The following PIP5K1B variants were observed in gnomAD, a reference collection of about 807,000 sequenced individuals.
The protein encoded by PIP5K1B is phosphatidylinositol-4-phosphate 5-kinase type 1 beta, also known as phosphatidylinositol 4-phosphate 5-kinase type-1 beta.
In PIP5K1B, 42 loss-of-function variants were observed where a neutral mutation model predicts 67.0. That is an observed-to-expected ratio of 0.63 (90% CI 0.49 to 0.81). PIP5K1B has a LOEUF of 0.81. Ranked by LOEUF, PIP5K1B falls within the 30% of genes least tolerant of loss-of-function variation. The pLI is 0.00. For synonymous variants in PIP5K1B, 214 were observed against 231.4 expected (o/e 0.92, Z 0.68); for missense variants, 459 against 646.3 (o/e 0.71, Z 3.14).
chr9:68,723,233 C>T (rs1442934431), intron 1 of PIP5K1B, among the ~76,000 whole-genome samples: 3 of 151,910 alleles, frequency 2.0e-5, no homozygotes, highest in Non-Finnish European at 4.4e-5. Context: ...TTTGTGCATT[C>T]ATCCACTGAT....
At position 68,797,920 on chromosome 9, in the gene PIP5K1B, A is replaced by T. The variant is rs574801335; in HGVS notation, c.-85-20541A>T. Reference sequence around the variant, plus strand: ...TAGATTTATAGTGGAAAGGAACCAGAGGTTTAGACTAAATAGATACGCTGT... The same window carrying T: ...TAGATTTATAGTGGAAAGGAACCAGTGGTTTAGACTAAATAGATACGCTGT... On this transcript the variant is annotated intron_variant, in intron 2 of 15. Coordinates refer to ENST00000265382, the MANE Select transcript of PIP5K1B (RefSeq NM_003558.4). Among the ~76,000 whole-genome samples, 64 of 152,324 alleles carry T rather than the reference A, an allele frequency of 4.2e-4. 1 individual carries two copies. The South Asian group carries it at 0.013, about 31-fold the overall frequency.
At chr9:68,893,595 G>T (rs1052848564) in intron 7 of PIP5K1B, among the ~76,000 whole-genome samples, 2 of 152,034 alleles carry the variant, frequency 1.3e-5, no homozygotes, top group Non-Finnish European at 2.9e-5. Flanking sequence ...GCCTCCCAAA[G>T]TGCTGGGATT....
intron 2 of PIP5K1B, among the ~76,000 whole-genome samples, chr9:68,808,650 T>C (rs964748245): frequency 2.6e-5 from 4 of 152,358 alleles, no homozygotes; most frequent in Admixed American, 1.3e-4. Context: ...ACAACCTTTG[T>C]TGGGAAAATG....
chr9:68,799,811 T>A (rs183038942), intron 2 of PIP5K1B, among the ~76,000 whole-genome samples: 7 of 152,296 alleles, frequency 4.6e-5, no homozygotes, highest in Admixed American at 4.6e-4. Flanking sequence ...AAAGGCTTCA[T>A]GACATTGGTT....
intron 14 of PIP5K1B, chr9:68,963,907 A>G (rs966046579): frequency 6.6e-6 from 1 of 152,202 alleles, no homozygotes; most frequent in African/African-American, 2.4e-5. Flanking sequence ...GCCAAATTAA[A>G]TGAAAGCTTG....
chr9:68,792,278 T>C (rs1025303693), intron 2 of PIP5K1B, among the ~76,000 whole-genome samples: 3 of 152,214 alleles, frequency 2.0e-5, no homozygotes, highest in African/African-American at 7.2e-5. Context: ...CAAATTTATG[T>C]TGAGTAGATG....
intron 4 of PIP5K1B, among the ~76,000 whole-genome samples, chr9:68,846,341 C>G (rs1822191509): frequency 6.6e-6 from 1 of 152,144 alleles, no homozygotes; most frequent in South Asian, 2.1e-4. Flanking sequence ...TAAACAATTG[C>G]TATGCCAGTC....
Position 68,863,911 on chromosome 9 carries a change from A to G in PIP5K1B, c.144A>G (p.Pro48=), listed in dbSNP as rs750209738. Residue 48 remains proline (P), a synonymous_variant, in exon 5 of 16, where the codon CCA becomes CCG. Transcript: ENST00000265382. ...GYTVGNLTSK[P]ERDVLMQDFY... ...CAGTGGGTAATCTCACTTCCAAGCC[A>G]GAACGAGATGTTCTTATGCAAGACT... 4 of 1,613,804 alleles carry G rather than the reference A, an allele frequency of 2.5e-6. No homozygotes were observed. The Admixed American group carries it at 6.7e-5, about 27-fold the overall frequency.
At chr9:68,827,779 T>C (rs1036339208) in intron 4 of PIP5K1B, among the ~76,000 whole-genome samples, 1 of 152,168 alleles carries the variant, frequency 6.6e-6, no homozygotes, top group African/African-American at 2.4e-5. Context: ...GGAAAGAGTA[T>C]TGTGTTATTT....
intron 14 of PIP5K1B, among the ~76,000 whole-genome samples, chr9:68,943,611 G>T (rs1827666111): frequency 6.6e-6 from 1 of 151,170 alleles, no homozygotes; most frequent in African/African-American, 2.4e-5. Flanking sequence ...CTGGCCAACT[G>T]AGTTTCAAAA....
At chr9:68,998,735 T>A (rs1830694725) in intron 15 of PIP5K1B, among the ~76,000 whole-genome samples, 1 of 152,168 alleles carries the variant, frequency 6.6e-6, no homozygotes. Context: ...ATCACACCCA[T>A]GGACCTAGTA....
chr9:68,953,312 C>T (rs999395461), intron 14 of PIP5K1B, among the ~76,000 whole-genome samples: 1 of 151,802 alleles, frequency 6.6e-6, no homozygotes, highest in Non-Finnish European at 1.5e-5. Context: ...TTCCTTTTTT[C>T]ATGATTGTAA....
In PIP5K1B at chr9:68,883,825, A is replaced by AAC. The variant is rs59872442; in HGVS notation, c.319-5131_319-5130dup. Among the ~76,000 whole-genome samples the AAC allele has an allele frequency of 1.5e-3, 225 of 149,430 alleles. 2 individuals carry two copies. The highest frequency in any genetic ancestry group is 7.9e-3 in the East Asian group (40 of 5,090). On this transcript the variant is annotated intron_variant, in intron 6 of 15. Coordinates refer to ENST00000265382, the MANE Select transcript of PIP5K1B (RefSeq NM_003558.4). ...AAATAGGATAGAGAGCCCAGAAATA[A>AAC]ACACACACACACACACACACACACA...
At chr9:68,880,668 A>G (rs1824157257) in intron 6 of PIP5K1B, among the ~76,000 whole-genome samples, 1 of 151,860 alleles carries the variant, frequency 6.6e-6, no homozygotes, top group African/African-American at 2.4e-5. Context: ...CCAGGTATGT[A>G]AGTGTGCTTT....
chr9:68,828,735 A>G (rs1834121927), intron 4 of PIP5K1B, among the ~76,000 whole-genome samples: 1 of 152,190 alleles, frequency 6.6e-6, no homozygotes. Context: ...CTCCAGGGAG[A>G]ACCGGGTAGT....
intron 1 of PIP5K1B, among the ~76,000 whole-genome samples, chr9:68,733,731 C>T: frequency 6.8e-6 from 1 of 147,886 alleles, no homozygotes; most frequent in Admixed American, 6.9e-5. Flanking sequence ...CCTCCGCCTC[C>T]CGGGTTCAGG....
chr9:69,002,147 A>G (rs1399255644), intron 15 of PIP5K1B, among the ~76,000 whole-genome samples: 1 of 152,170 alleles, frequency 6.6e-6, no homozygotes, highest in Non-Finnish European at 1.5e-5. Context: ...ACACCCCAGA[A>G]TTCAACCAAC....
At chr9:68,919,777 C>T (rs1181892572) in intron 11 of PIP5K1B, 48 bp downstream of exon 11, 3 of 1,011,684 alleles carry the variant, frequency 3.0e-6, no homozygotes, top group Non-Finnish European at 4.6e-6. Context: ...TCTGCTTTCT[C>T]AGAGACTTCA....
chr9:68,876,058 A>C (rs1309825003), intron 5 of PIP5K1B, among the ~76,000 whole-genome samples: 1 of 152,204 alleles, frequency 6.6e-6, no homozygotes, highest in Non-Finnish European at 1.5e-5. Context: ...ATATATCATA[A>C]ATATTGTGTA....
Sources: gnomAD v4.1 joint callset for allele counts (sites outside exome capture counted in the v4.1 genomes callset) on GRCh38, gnomAD v4.1.1 for gene constraint, MANE v1.5 for transcripts, NCBI Gene and HGNC (gene_info 2026-07-23, HGNC 2026-07-21) for gene names.